MEGF10: variants seen among roughly 807,000 people sequenced by gnomAD.
MEGF10 encodes the protein multiple EGF like domains 10.
In MEGF10, 86 loss-of-function variants were observed where a neutral mutation model predicts 147.5. The observed-to-expected ratio is 0.58, with a 90% CI of 0.49 to 0.70. The LOEUF (loss-of-function observed/expected upper bound fraction) is 0.70. Ranked by LOEUF, MEGF10 falls within the 30% of genes least tolerant of loss-of-function variation. The probability of loss-of-function intolerance (pLI) is 0.00; values close to 1 mark genes in which losing one functional copy is unlikely to be tolerated. For synonymous variants in MEGF10, 478 were observed against 525.5 expected (o/e 0.91, Z 1.24); for missense variants, 1,329 against 1,487.3 (o/e 0.89, Z 1.75).
intron 15 of MEGF10, 118 bp from the exon 16 acceptor site, chr5:127,435,243 G>A: frequency 1.7e-6 from 2 of 1,200,158 alleles, no homozygotes; most frequent in African/African-American, 1.5e-5. Context: ...GTTGAGCAGA[G>A]ATAGCTACCA....
At chr5:127,369,389 C>T (rs1230233984) in intron 4 of MEGF10, among the ~76,000 whole-genome samples, 4 of 152,118 alleles carry the variant, frequency 2.6e-5, no homozygotes, top group Non-Finnish European at 4.4e-5. Flanking sequence ...TTCTCCTCAA[C>T]AGAAAAAGAG....
intron 13 of MEGF10, chr5:127,424,234 T>C: frequency 1.5e-6 from 1 of 661,388 alleles, no homozygotes; most frequent in South Asian, 1.7e-5. Flanking sequence ...TTTGTCTATA[T>C]ATCTCTCCTT....
intron 12 of MEGF10, among the ~76,000 whole-genome samples, chr5:127,420,543 C>T (rs1453788779): frequency 6.6e-6 from 1 of 151,998 alleles, no homozygotes; most frequent in African/African-American, 2.4e-5. Context: ...ATTTTGTTTC[C>T]ACTATCATGG....
At chr5:127,452,056 A>G (rs140023659) in intron 22 of MEGF10, among the ~76,000 whole-genome samples, 166 of 152,278 alleles carry the variant, frequency 1.1e-3, no homozygotes, top group African/African-American at 3.9e-3. Flanking sequence ...ATTAAATTAA[A>G]CCAAGCATTT....
the MEGF10 span, among the ~76,000 whole-genome samples, chr5:127,254,750 G>T: frequency 2.6e-5 from 4 of 151,596 alleles, no homozygotes; most frequent in Non-Finnish European, 5.9e-5. Context: ...GGCGGAGGTT[G>T]CAGTGAGCCA....
At chr5:127,422,968 T>C (rs560585717) in intron 13 of MEGF10, among the ~76,000 whole-genome samples, 196 bp downstream of exon 13, 1 of 152,340 alleles carries the variant, frequency 6.6e-6, no homozygotes, top group East Asian at 1.9e-4. Context: ...GGGGCAGTTC[T>C]CTTGAGCTAC....
intron 1 of MEGF10, among the ~76,000 whole-genome samples, chr5:127,292,070 C>T (rs1177975245): frequency 6.6e-6 from 1 of 152,162 alleles, no homozygotes; most frequent in Non-Finnish European, 1.5e-5. Context: ...ATGCTTCATT[C>T]CTTATGGACA....
chr5:127,421,342 CTTATT>C (rs898690554), intron 12 of MEGF10, among the ~76,000 whole-genome samples: 11 of 152,232 alleles, frequency 7.2e-5, no homozygotes, highest in Admixed American at 7.2e-4. Context: ...TTTTCTTTTT[CTTATT>C]TTAACAAGTT....
the MEGF10 span, among the ~76,000 whole-genome samples, chr5:127,280,644 A>T: frequency 6.6e-6 from 1 of 152,128 alleles, no homozygotes; most frequent in East Asian, 1.9e-4. Flanking sequence ...TGTGCACTGC[A>T]CAAAGGCTCC....
the MEGF10 span, among the ~76,000 whole-genome samples, chr5:127,247,419 G>A: frequency 3.7e-5 from 3 of 80,706 alleles, no homozygotes; most frequent in Admixed American, 1.3e-4. Flanking sequence ...AGAAGAAGAA[G>A]AAGAAGAAGA....
At chr5:127,245,377 G>A in the MEGF10 span, among the ~76,000 whole-genome samples, 5 of 152,146 alleles carry the variant, frequency 3.3e-5, no homozygotes, top group Admixed American at 2.0e-4. Flanking sequence ...CTATTTAATA[G>A]ATGGTGTTGG....
chr5:127,257,036 T>C, the MEGF10 span, among the ~76,000 whole-genome samples: 14 of 152,100 alleles, frequency 9.2e-5, no homozygotes, highest in Non-Finnish European at 1.8e-4. Context: ...CCAAGAACAA[T>C]GGCCTTGGGC....
chr5:127,420,687 C>T (rs1010950602), intron 12 of MEGF10, among the ~76,000 whole-genome samples: 6 of 152,172 alleles, frequency 3.9e-5, no homozygotes, highest in South Asian at 4.2e-4. Context: ...ATCTCTGGAG[C>T]CACAAAAATT....
intron 4 of MEGF10, among the ~76,000 whole-genome samples, chr5:127,355,103 C>A (rs903310559): frequency 6.6e-6 from 1 of 152,028 alleles, no homozygotes; most frequent in African/African-American, 2.4e-5. Context: ...AGGGAAGATG[C>A]CTTGTTTTGG....
At chr5:127,269,741 C>T in the MEGF10 span, among the ~76,000 whole-genome samples, 1 of 151,696 alleles carries the variant, frequency 6.6e-6, no homozygotes, top group Admixed American at 6.6e-5. Context: ...ACAGAAAACG[C>T]CACACTCCTC....
At chr5:127,336,540 T>A (rs184250860) in intron 2 of MEGF10, among the ~76,000 whole-genome samples, 107 of 152,258 alleles carry the variant, frequency 7.0e-4, no homozygotes, top group Non-Finnish European at 1.3e-3. Flanking sequence ...CTCTTTTTGG[T>A]TCCTAGAAAC....
At chr5:127,328,760 T>A (rs1363773540) in intron 1 of MEGF10, among the ~76,000 whole-genome samples, 1 of 151,616 alleles carries the variant, frequency 6.6e-6, no homozygotes, top group Non-Finnish European at 1.5e-5. Context: ...AGTAGGTTAC[T>A]GCTTACCAGC....
intron 1 of MEGF10, among the ~76,000 whole-genome samples, chr5:127,299,261 T>C (rs1759659639): frequency 6.6e-6 from 1 of 152,244 alleles, no homozygotes; most frequent in South Asian, 2.1e-4. Context: ...AACAATTCTG[T>C]GTTCCTGGGA....
chr5:127,370,992 A>G (rs1403974613), intron 5 of MEGF10, among the ~76,000 whole-genome samples: 1 of 152,194 alleles, frequency 6.6e-6, no homozygotes, highest in Non-Finnish European at 1.5e-5. Context: ...TATTTCAATA[A>G]GCTGATTTTA....
Sources: gnomAD v4.1 joint callset for allele counts (sites outside exome capture counted in the v4.1 genomes callset) on GRCh38, gnomAD v4.1.1 for gene constraint, MANE v1.5 for transcripts, NCBI Gene and HGNC (gene_info 2026-07-23, HGNC 2026-07-21) for gene names.